Variants in EIF2AK3 observed in about 807,000 individuals in gnomAD.
EIF2AK3 encodes eukaryotic translation initiation factor 2 alpha kinase 3.
EIF2AK3 carries 50 observed loss-of-function variants against 113.5 expected under a neutral mutation model. The ratio of observed to expected loss-of-function variants is 0.44; its 90% CI spans 0.35 to 0.56. The LOEUF (loss-of-function observed/expected upper bound fraction) is 0.56, where lower values mean the gene tolerates loss of function less well. Among genes scored for constraint, EIF2AK3 ranks in the 20% least tolerant of loss-of-function variants. The probability of loss-of-function intolerance (pLI) is 0.00; values close to 1 mark genes in which losing one functional copy is unlikely to be tolerated. For synonymous variants in EIF2AK3, 448 were observed against 495.4 expected (o/e 0.90, Z 1.27); for missense variants, 1,185 against 1,378.0 (o/e 0.86, Z 2.22).
In EIF2AK3 at chr2:88,575,016, T is replaced by C. The variant is rs374540128; in HGVS notation, c.2467A>G (p.Lys823Glu). 23 of 1,614,228 alleles carry C rather than the reference T, an allele frequency of 1.4e-5. No homozygotes were observed. The highest frequency in any genetic ancestry group is 2.7e-5 in the African/African-American group (2 of 75,064). ...CDNASSKEEP[K>E]TNRLHIGNHC... is the part of the protein sequence containing the mutation. The stretch of plus-strand genomic sequence containing the variant: ...TTGCCAATATGCAATCGATTAGTTT[T>C]CGGCTCTTCTTTACTGGAAGCATTA... Residue 823 changes from lysine (K) to glutamate (E), a missense_variant, in exon 13 of 17, where the codon AAA (lysine) becomes GAA (glutamate). By Grantham distance (56) the Lys-to-Glu change is moderately conservative. Around this residue, in one of 3 missense-constraint regions of EIF2AK3, gnomAD observed 877 missense variants for 1,024.2 expected, o/e 0.86. Coordinates refer to ENST00000303236, the MANE Select transcript of EIF2AK3 (RefSeq NM_004836.7).
intron 14 of EIF2AK3, among the ~76,000 whole-genome samples, chr2:88,567,989 CAG>C (rs1412066606): frequency 1.3e-5 from 2 of 151,792 alleles, no homozygotes; most frequent in African/African-American, 4.8e-5. Context: ...TTTTTTGAGA[CAG>C]AGTCTTGCTC....
intron 16 of EIF2AK3, 40 bp downstream of exon 16, chr2:88,558,877 G>A: frequency 2.7e-6 from 4 of 1,494,396 alleles, no homozygotes; most frequent in Non-Finnish European, 3.7e-6. Context: ...ACGTTCTAAA[G>A]ATGATTCTAA....
chr2:88,571,645 G>A (rs957760281), intron 13 of EIF2AK3, among the ~76,000 whole-genome samples: 4 of 152,136 alleles, frequency 2.6e-5, no homozygotes, highest in Non-Finnish European at 4.4e-5. Context: ...CCACTGCCAC[G>A]TGCCCAGATT....
chr2:88,562,859 C>T (rs550358381), intron 14 of EIF2AK3, among the ~76,000 whole-genome samples: 67 of 152,254 alleles, frequency 4.4e-4, no homozygotes, highest in African/African-American at 1.5e-3. Context: ...CACTTAATTA[C>T]GGATACTTTG....
intron 1 of EIF2AK3, among the ~76,000 whole-genome samples, chr2:88,619,823 A>T (rs1675674489): frequency 6.6e-6 from 1 of 152,036 alleles, no homozygotes; most frequent in South Asian, 2.1e-4. Context: ...GTGTGATGGC[A>T]TGCACCTGTA....
In EIF2AK3 at chr2:88,557,735, G is replaced by C. The variant is rs766214245; in HGVS notation, c.*1C>G. ...ATTAGGGTTGCTAGCACAACTTAAGGCTAATTGCTTGGCAAAGGGCTATGG... is the reference window on the plus strand; with the variant it reads ...ATTAGGGTTGCTAGCACAACTTAAGCCTAATTGCTTGGCAAAGGGCTATGG... On this transcript the variant is annotated 3_prime_UTR_variant, in exon 17 of 17. Transcript: ENST00000303236. 5 of 1,614,050 alleles carry C rather than the reference G, an allele frequency of 3.1e-6. No individual in the cohort carries two copies. The highest frequency in any genetic ancestry group is 4.2e-6 in the Non-Finnish European group (5 of 1,179,924).
intron 13 of EIF2AK3, among the ~76,000 whole-genome samples, 155 bp from the exon 14 acceptor site, chr2:88,571,196 A>G (rs182456803): frequency 6.2e-4 from 95 of 152,290 alleles, no homozygotes; most frequent in Middle Eastern, 3.4e-3. Flanking sequence ...AATAGTGACA[A>G]TTTTTCTGTG....
At chr2:88,558,151 T>C (rs1020057863) in intron 16 of EIF2AK3, among the ~76,000 whole-genome samples, 6 of 152,140 alleles carry the variant, frequency 3.9e-5, no homozygotes, top group African/African-American at 1.2e-4. Flanking sequence ...TGTGTTCCAA[T>C]AGAACTTTAT....
In EIF2AK3 at chr2:88,575,286, A is replaced by G; in HGVS notation, c.2197T>C (p.Ser733Pro). 1 of 1,614,164 alleles carries G rather than the reference A, an allele frequency of 6.2e-7. No homozygotes were observed. Among genetic ancestry groups the G allele is most frequent in the Non-Finnish European group, 8.5e-7 (1 of 1,180,002 alleles). ...SVGISCDQTS[S>P]SESQFSPLEF... ...AGTGGTGAGAACTGGCTCTCAGATG[A>G]ACTTGTCTGGTCACAGGAAATCCCT... The change falls in exon 13 of 17, where the codon TCA (serine) becomes CCA (proline). Residue 733 changes from serine (S) to proline (P), a missense_variant. By Grantham distance (74) the Ser-to-Pro change is moderately conservative (BLOSUM62 -1). Transcript: ENST00000303236.
chr2:88,612,610 T>C (rs1388270062), intron 2 of EIF2AK3, among the ~76,000 whole-genome samples: 1 of 152,240 alleles, frequency 6.6e-6, no homozygotes, highest in Non-Finnish European at 1.5e-5. Context: ...TTTGGCAGTG[T>C]TGTTTCCTTA....
chr2:88,611,031 A>T (rs1488314540), intron 2 of EIF2AK3, among the ~76,000 whole-genome samples: 1 of 152,198 alleles, frequency 6.6e-6, no homozygotes, highest in Non-Finnish European at 1.5e-5. Flanking sequence ...AGCCTGATAA[A>T]AAGCTCTTTA....
chr2:88,594,062 C>T (rs1390502534), intron 3 of EIF2AK3: 1 of 402,184 alleles, frequency 2.5e-6, no homozygotes, highest in African/African-American at 2.2e-5. Context: ...GGCATGGCCT[C>T]CTCAACACAA....
chr2:88,585,936 A>C lies in EIF2AK3; in HGVS notation c.1555T>G (p.Leu519Val), dbSNP rs1282347047. The change falls in exon 9 of 17, where the codon TTA becomes GTA. Residue 519 changes from leucine (L) to valine (V), a missense_variant. Around this residue, in one of 3 missense-constraint regions of EIF2AK3, gnomAD observed 877 missense variants for 1,024.2 expected, o/e 0.86. Transcript: ENST00000303236. ...NIRKKDPVLL[L>V]HWWKEIVATI... ...GCAACTATTTCTTTCCACCAGTGTAAAAGAAGAACAGGATCCTTTTTGCGG... is the reference window on the plus strand; with the variant it reads ...GCAACTATTTCTTTCCACCAGTGTACAAGAAGAACAGGATCCTTTTTGCGG... The C allele has an allele frequency of 1.2e-6, 2 of 1,614,146 alleles. No homozygotes were observed. Among genetic ancestry groups the C allele is most frequent in the South Asian group, 2.2e-5 (2 of 91,086 alleles).
At chr2:88,609,879 CAGG>C in intron 2 of EIF2AK3, among the ~76,000 whole-genome samples, 1 of 131,264 alleles carries the variant, frequency 7.6e-6, no homozygotes, top group South Asian at 2.3e-4. Context: ...GAGGCTGAGG[CAGG>C]AGGATAGCTT....
chr2:88,562,468 A>G, intron 14 of EIF2AK3, 78 bp from the exon 15 acceptor site: 3 of 1,173,112 alleles, frequency 2.6e-6, no homozygotes, highest in South Asian at 1.3e-5. Flanking sequence ...TTGAATCCCA[A>G]AGTTTACTTA....
chr2:88,576,514 A>G (rs1007582310), intron 12 of EIF2AK3, 40 bp downstream of exon 12: 3 of 1,612,766 alleles, frequency 1.9e-6, no homozygotes, highest in African/African-American at 2.7e-5. Flanking sequence ...TCACACAAGC[A>G]AAAAACTAGC....
chr2:88,588,930 G>A (rs1674812054), intron 6 of EIF2AK3, 29 bp from the exon 7 acceptor site: 6 of 1,609,780 alleles, frequency 3.7e-6, no homozygotes, highest in Non-Finnish European at 5.1e-6. Context: ...TGTCAATTAT[G>A]CATTGATTTT....
At position 88,575,211 on chromosome 2, in the gene EIF2AK3, C is replaced by G. The variant is rs1160426248; in HGVS notation, c.2272G>C (p.Ala758Pro). 6.2e-7 allele frequency: 1 copy of G among 1,612,652 alleles called. No individual in the cohort carries two copies. The highest frequency in any genetic ancestry group is 8.5e-7 in the Non-Finnish European group (1 of 1,179,052). Reference sequence around the variant, plus strand: ...AGGCAACTGTCCTGGAGGTTGTATGCTGCATCCACTGACTCACTGATGTCC... The same window carrying G: ...AGGCAACTGTCCTGGAGGTTGTATGGTGCATCCACTGACTCACTGATGTCC... ...HEDISESVDA[A>P]YNLQDSCLTD... The change falls in exon 13 of 17, where the codon GCA becomes CCA. Residue 758 changes from alanine (A) to proline (P), a missense_variant. This residue lies in a region of EIF2AK3 where 877 missense variants were observed against 1,024.2 expected (regional missense o/e 0.86). Coordinates refer to ENST00000303236, the MANE Select transcript of EIF2AK3 (RefSeq NM_004836.7).
Position 88,627,279 on chromosome 2 carries a change from G to A in EIF2AK3, c.-5C>T, listed in dbSNP as rs1432662463. On this transcript the variant is annotated 5_prime_UTR_variant, in exon 1 of 17. In the 5' UTR this introduces an upstream ATG that the reference lacks. Transcript: ENST00000303236. ...CGGGCTGATGGCGCGCTCCATCAGC[G>A]TCCCGCCCCGCGCGCAGGCATGGAG... 1.7e-5 allele frequency: 25 copies of A among 1,483,634 alleles called. No individual in the cohort carries two copies. The highest frequency in any genetic ancestry group is 2.1e-5 in the Non-Finnish European group (24 of 1,122,384). The allele number at this position is 1,483,634 out of a possible 1,614,324, so 91.9% of individuals were successfully genotyped here.
Sources: gnomAD v4.1 joint callset for allele counts (sites outside exome capture counted in the v4.1 genomes callset) on GRCh38, gnomAD v4.1.1 for gene constraint, gnomAD v4.1.1 regional missense constraint, MANE v1.5 for transcripts, NCBI Gene and HGNC (gene_info 2026-07-23, HGNC 2026-07-21) for gene names.